Variants in SHROOM3 observed in about 807,000 individuals in gnomAD.
The protein encoded by SHROOM3 is shroom family member 3.
SHROOM3 carries 47 observed loss-of-function variants against 138.6 expected under a neutral mutation model. The ratio of observed to expected loss-of-function variants is 0.34; its 90% CI spans 0.27 to 0.43. SHROOM3 has a LOEUF of 0.43. SHROOM3 is among the 20% of genes least tolerant of loss of function. The pLI, the probability that SHROOM3 is intolerant of heterozygous loss-of-function variation, is 1.00. For missense variants in SHROOM3, 2,491 were observed against 2,596.5 expected (o/e 0.96, Z 0.88); for synonymous variants, 1,062 against 1,063.3 (o/e 1.00, Z 0.02).
At chr4:76,756,183 T>C (rs1284819896) in intron 7 of SHROOM3, among the ~76,000 whole-genome samples, 1 of 152,200 alleles carries the variant, frequency 6.6e-6, no homozygotes, top group Non-Finnish European at 1.5e-5. Flanking sequence ...TATATCTATG[T>C]ATGTTTGTGT....
At chr4:76,762,543 C>T (rs1560620079) in intron 9 of SHROOM3, among the ~76,000 whole-genome samples, 1 of 152,164 alleles carries the variant, frequency 6.6e-6, no homozygotes, top group African/African-American at 2.4e-5. Context: ...GAGAAAAGGC[C>T]ATTTAGTTAA....
At chr4:76,555,134 A>G (rs1272948070) in intron 1 of SHROOM3, among the ~76,000 whole-genome samples, 1 of 152,052 alleles carries the variant, frequency 6.6e-6, no homozygotes, top group Non-Finnish European at 1.5e-5. Context: ...AATAAAGTGC[A>G]CAATAAATGC....
chr4:76,621,148 T>TAAA (rs200298082), intron 2 of SHROOM3, among the ~76,000 whole-genome samples: 5 of 146,196 alleles, frequency 3.4e-5, no homozygotes, highest in Admixed American at 1.4e-4. Context: ...TGCCAAGTAT[T>TAAA]AAAAAAAAAA....
At chr4:76,685,095 T>C (rs1719298972) in intron 2 of SHROOM3, among the ~76,000 whole-genome samples, 1 of 152,220 alleles carries the variant, frequency 6.6e-6, no homozygotes, top group South Asian at 2.1e-4. Context: ...CAGCACATCA[T>C]TCGTTCCTCC....
At chr4:76,562,919 ACAATCTG>A (rs1733628679) in intron 2 of SHROOM3, among the ~76,000 whole-genome samples, 1 of 152,238 alleles carries the variant, frequency 6.6e-6, no homozygotes, top group Non-Finnish European at 1.5e-5. Context: ...TTATAAATTG[ACAATCTG>A]CAAGCCAGAT....
chr4:76,464,680 C>A (rs537818809), intron 1 of SHROOM3, among the ~76,000 whole-genome samples: 12 of 152,244 alleles, frequency 7.9e-5, no homozygotes, highest in African/African-American at 2.2e-4. Flanking sequence ...GTGATTGGAT[C>A]ATGGGGGTGG....
intron 2 of SHROOM3, among the ~76,000 whole-genome samples, chr4:76,622,106 C>T (rs922085468): frequency 5.9e-4 from 89 of 152,058 alleles, no homozygotes; most frequent in African/African-American, 1.8e-3. Flanking sequence ...GCTGGGATTG[C>T]GCACGGCTGA....
At position 76,557,734 on chromosome 4, in the gene SHROOM3, T is replaced by G. The variant is rs1289345086; in HGVS notation, c.323+1971T>G. 2.6e-5 allele frequency among the ~76,000 whole-genome samples: 4 copies of G among 152,200 alleles called. No homozygotes were observed. The East Asian group carries it at 7.7e-4, about 29-fold the overall frequency. On this transcript the variant is annotated intron_variant, in intron 2 of 10. Transcript: ENST00000296043. ...CATTGTACACTTTGAATATATGCAA[T>G]TTTTGGCAATTATACTTGGGCAATC... is the stretch of plus-strand genomic sequence containing the variant.
chr4:76,475,720 A>G (rs1377534202), intron 1 of SHROOM3, among the ~76,000 whole-genome samples: 1 of 152,212 alleles, frequency 6.6e-6, no homozygotes, highest in Non-Finnish European at 1.5e-5. Flanking sequence ...ACCACAAGCT[A>G]AAAAAGAATA....
chr4:76,632,777 T>C (rs974140417), intron 2 of SHROOM3, among the ~76,000 whole-genome samples: 1 of 152,166 alleles, frequency 6.6e-6, no homozygotes, highest in Non-Finnish European at 1.5e-5. Context: ...CCTAGGAAAT[T>C]TGATCTGCTG....
chr4:76,733,442 A>G (rs1344455566), intron 4 of SHROOM3, among the ~76,000 whole-genome samples: 1 of 152,210 alleles, frequency 6.6e-6, no homozygotes, highest in East Asian at 1.9e-4. Context: ...CATGGGGACA[A>G]AAGGAGAAAG....
At chr4:76,672,298 C>A (rs1366882905) in intron 2 of SHROOM3, among the ~76,000 whole-genome samples, 1 of 151,738 alleles carries the variant, frequency 6.6e-6, no homozygotes, top group Admixed American at 6.6e-5. Flanking sequence ...GAAAAGAAAA[C>A]CAGAGAATAA....
At chr4:76,688,188 T>A (rs1418981878) in intron 2 of SHROOM3, among the ~76,000 whole-genome samples, 1 of 152,252 alleles carries the variant, frequency 6.6e-6, no homozygotes, top group Non-Finnish European at 1.5e-5. Context: ...GTGACAGCTG[T>A]GTATGTGTTG....
chr4:76,650,748 T>C (rs1006557899), intron 2 of SHROOM3, among the ~76,000 whole-genome samples: 5 of 152,078 alleles, frequency 3.3e-5, no homozygotes, highest in Non-Finnish European at 2.9e-5. Context: ...TTTCAGCAAC[T>C]TGGCCAGGCT....
intron 1 of SHROOM3, among the ~76,000 whole-genome samples, chr4:76,502,570 G>A (rs963009877): frequency 2.6e-5 from 4 of 152,186 alleles, no homozygotes; most frequent in Non-Finnish European, 5.9e-5. Context: ...CCAGAGAATT[G>A]CTTGGTGTGT....
chr4:76,495,261 G>A (rs1731940252), intron 1 of SHROOM3, among the ~76,000 whole-genome samples: 1 of 152,232 alleles, frequency 6.6e-6, no homozygotes, highest in Non-Finnish European at 1.5e-5. Context: ...ATCCCCAGCT[G>A]TAAGCTGTTG....
chr4:76,446,288 C>G (rs1424901614), intron 1 of SHROOM3, among the ~76,000 whole-genome samples: 1 of 151,294 alleles, frequency 6.6e-6, no homozygotes, highest in Non-Finnish European at 1.5e-5. Flanking sequence ...GCCAAAGAAC[C>G]CTTCCATCTA....
At chr4:76,665,469 A>G (rs763519666) in intron 2 of SHROOM3, among the ~76,000 whole-genome samples, 15 of 152,250 alleles carry the variant, frequency 9.9e-5, no homozygotes, top group Middle Eastern at 3.2e-3. Flanking sequence ...CATCTGGAAG[A>G]GAGCCCAGAT....
chr4:76,736,192 G>A (rs962649204), intron 4 of SHROOM3, among the ~76,000 whole-genome samples: 2 of 152,016 alleles, frequency 1.3e-5, no homozygotes, highest in Non-Finnish European at 2.9e-5. Context: ...CGCTTCTTTA[G>A]TAGGACCTCT....
Sources: gnomAD v4.1 joint callset for allele counts (sites outside exome capture counted in the v4.1 genomes callset) on GRCh38, gnomAD v4.1.1 for gene constraint, MANE v1.5 for transcripts, NCBI Gene and HGNC (gene_info 2026-07-23, HGNC 2026-07-21) for gene names.